The following MAP4K1 variants were observed in gnomAD, a reference collection of about 807,000 sequenced individuals.
MAP4K1 encodes the protein mitogen-activated protein kinase kinase kinase kinase 1, also known as MAPK/ERK kinase kinase kinase 1.
A neutral mutation model predicts 122.8 loss-of-function variants in MAP4K1; 35 were observed. The observed-to-expected ratio is 0.29, with a 90% confidence interval of 0.22 to 0.38. The LOEUF (loss-of-function observed/expected upper bound fraction) is 0.38. Among genes scored for constraint, MAP4K1 ranks in the 10% least tolerant of loss-of-function variants. MAP4K1 has a pLI of 1.00. For missense variants in MAP4K1, 791 were observed against 1,072.6 expected (o/e 0.74, Z 3.67); for synonymous variants, 412 against 421.3 (o/e 0.98, Z 0.27).
intron 20 of MAP4K1, among the ~76,000 whole-genome samples, 153 bp from the exon 21 acceptor site, chr19:38,600,306 C>T (rs1975021937): frequency 6.6e-6 from 1 of 152,168 alleles, no homozygotes; most frequent in Non-Finnish European, 1.5e-5. Flanking sequence ...TTTCCCCAAA[C>T]AAAGCCAGAG....
chr19:38,614,707 G>A (rs1975597119), intron 4 of MAP4K1: 2 of 513,970 alleles, frequency 3.9e-6, no homozygotes, highest in South Asian at 4.2e-5. Context: ...GATCACTTGA[G>A]GTCAGGAGTC....
chr19:38,613,340 A>C (rs1256088914), intron 8 of MAP4K1, among the ~76,000 whole-genome samples: 1 of 150,890 alleles, frequency 6.6e-6, no homozygotes, highest in Non-Finnish European at 1.5e-5. Context: ...AGAAAAAAAA[A>C]AAAAAACAAC....
Position 38,613,872 on chromosome 19 carries a change from C to T in MAP4K1, c.533+8G>A, listed in dbSNP as rs1402947738. On this transcript the variant is annotated splice_region_variant and intron_variant, in intron 8 of 30. Coordinates refer to ENST00000396857, the MANE Select transcript of MAP4K1 (RefSeq NM_001042600.3). ...TCCACCCCTAGCTGCCCGCTGGGCGCCACTCACCAGTAGGGTGTCCCAATG... is the reference window on the plus strand; with the variant it reads ...TCCACCCCTAGCTGCCCGCTGGGCGTCACTCACCAGTAGGGTGTCCCAATG... The T allele has an allele frequency of 1.6e-5, 26 of 1,600,282 alleles. No homozygotes were observed. Among genetic ancestry groups the T allele is most frequent in the Non-Finnish European group, 2.2e-5 (26 of 1,174,202 alleles).
At chr19:38,616,144 G>C (rs1786147942) in intron 4 of MAP4K1, 51 bp downstream of exon 4, 1 of 1,441,290 alleles carries the variant, frequency 6.9e-7, no homozygotes, top group Non-Finnish European at 9.6e-7. Flanking sequence ...GGTCGGGGTT[G>C]GGGGGTGGGG....
chr19:38,596,095 C>CTT lies in MAP4K1; in HGVS notation c.2117-95_2117-94insAA, dbSNP rs1386927638. On this transcript the variant is annotated intron_variant, in intron 26 of 30. Coordinates refer to ENST00000396857, the MANE Select transcript of MAP4K1 (RefSeq NM_001042600.3). ...GCCAGTACCTGTGCTTTAGCCACCG[C>CTT]CTCAGTTCACAAGCAAGTGGGCTAA... 8 of 1,399,840 alleles carry CTT rather than the reference C, an allele frequency of 5.7e-6. No individual in the cohort carries two copies. The East Asian group carries it at 1.8e-4, about 32-fold the overall frequency. 86.7% of individuals were successfully genotyped at this position (1,399,840 alleles called of 1,614,324 possible).
chr19:38,602,888 A>G (rs181576854), intron 19 of MAP4K1, among the ~76,000 whole-genome samples: 262 of 149,424 alleles, frequency 1.8e-3, no homozygotes, highest in Non-Finnish European at 2.7e-3. Flanking sequence ...ATACTTATAT[A>G]CACATGTACA....
In MAP4K1 at chr19:38,601,423, A is replaced by C; in HGVS notation, c.1531+18T>G. 6.3e-7 allele frequency: 1 copy of C among 1,594,642 alleles called. No homozygotes were observed. The highest frequency in any genetic ancestry group is 8.5e-7 in the Non-Finnish European group (1 of 1,169,662). On this transcript the variant is annotated intron_variant, in intron 20 of 30. Transcript: ENST00000396857. ...TCCCATTCCCTACAGGATCTCCTTG[A>C]CCCTCCAGAATGCCCACCCTTGGTG...
chr19:38,595,672 T>G lies in MAP4K1; in HGVS notation c.2237A>C (p.Glu746Ala), dbSNP rs759770171. The stretch of plus-strand genomic sequence containing the variant: ...CTCCACCGCTTCGGTCATGGGGATC[T>G]CAGGTGTGCGAAGTCCCCGGACTGG... ...GSPVRGLRTP[E>A]IPMTEAVEAV... The change falls in exon 28 of 31, where the codon GAG (glutamate) becomes GCG (alanine). Residue 746 changes from glutamate to alanine, a missense_variant. Glu to Ala is a moderately radical substitution (Grantham distance 107, BLOSUM62 -1). Transcript: ENST00000396857. 6.2e-7 allele frequency: 1 copy of G among 1,613,398 alleles called. No individual in the cohort carries two copies. Among genetic ancestry groups the G allele is most frequent in the Non-Finnish European group, 8.5e-7 (1 of 1,179,574 alleles).
At chr19:38,593,226 C>G in intron 30 of MAP4K1, 56 bp downstream of exon 30, 2 of 1,543,046 alleles carry the variant, frequency 1.3e-6, no homozygotes, top group South Asian at 1.2e-5. Context: ...TCAGAATGCT[C>G]TCTTCACATC....
At chr19:38,611,435 G>A (rs1002357506) in intron 9 of MAP4K1, 130 bp from the exon 10 acceptor site, 1 of 686,036 alleles carries the variant, frequency 1.5e-6, no homozygotes, top group Non-Finnish European at 2.6e-6. Flanking sequence ...TGAGGTTCAG[G>A]TTTTACAGTG....
intron 25 of MAP4K1, 105 bp from the exon 26 acceptor site, chr19:38,596,591 C>T (rs1974894106): frequency 1.0e-6 from 1 of 970,136 alleles, no homozygotes; most frequent in Non-Finnish European, 1.5e-6. Context: ...GGCCCTAAGT[C>T]TTGGGGGATG....
At chr19:38,598,485 C>A (rs1281704984) in intron 22 of MAP4K1, among the ~76,000 whole-genome samples, 1 of 152,030 alleles carries the variant, frequency 6.6e-6, no homozygotes, top group Non-Finnish European at 1.5e-5. Flanking sequence ...TGTGCCACCA[C>A]ACCCAGCTAA....
At chr19:38,590,314 T>G (rs376545037) in intron 30 of MAP4K1, among the ~76,000 whole-genome samples, 120,610 of 120,612 alleles carry the variant, frequency 1, 60,304 homozygotes, top group Middle Eastern at 1. Flanking sequence ...TTTAATTATT[T>G]TTTCCGGCTT....
rs1357762003 is a variant in MAP4K1 at position 38,612,750 on chromosome 19, C to A, written c.534-8G>T. On this transcript the variant is annotated splice_region_variant and splice_polypyrimidine_tract_variant and intron_variant, in intron 8 of 30. Transcript: ENST00000396857. ...GCCACTTCCGGAGCCATCCTGGGGG[C>A]AGACACGCTCAGAGAGCCAGAGGTG... 1.2e-6 allele frequency: 2 copies of A among 1,611,834 alleles called. No individual in the cohort carries two copies. Among genetic ancestry groups the A allele is most frequent in the South Asian group, 1.1e-5 (1 of 90,906 alleles).
chr19:38,611,425 T>C, intron 9 of MAP4K1, 120 bp from the exon 10 acceptor site: 1 of 720,866 alleles, frequency 1.4e-6, no homozygotes, highest in Non-Finnish European at 2.5e-6. Flanking sequence ...AGCATGGAAG[T>C]GAGGTTCAGG....
chr19:38,603,149 C>T (rs1195570602), intron 19 of MAP4K1, among the ~76,000 whole-genome samples: 1 of 144,266 alleles, frequency 6.9e-6, no homozygotes, highest in Non-Finnish European at 1.5e-5. Flanking sequence ...TATATACACA[C>T]ATATACATGT....
At chr19:38,592,774 G>A (rs980054561) in intron 30 of MAP4K1, among the ~76,000 whole-genome samples, 1 of 149,548 alleles carries the variant, frequency 6.7e-6, no homozygotes, top group Non-Finnish European at 1.5e-5. Flanking sequence ...AGTATTAGCC[G>A]GGTGTGGTGG....
At chr19:38,611,213 C>T in intron 10 of MAP4K1, 30 bp downstream of exon 10, 1 of 1,609,438 alleles carries the variant, frequency 6.2e-7, no homozygotes, top group Non-Finnish European at 8.5e-7. Flanking sequence ...CCTGCCCTCT[C>T]TCACCCTCCC....
At chr19:38,609,408 T>A (rs1019463341) in intron 13 of MAP4K1, among the ~76,000 whole-genome samples, 188 bp downstream of exon 13, 1 of 152,134 alleles carries the variant, frequency 6.6e-6, no homozygotes, top group African/African-American at 2.4e-5. Flanking sequence ...GTGCTGGGAT[T>A]ACAGGCATGA....
Sources: gnomAD v4.1 joint callset for allele counts (sites outside exome capture counted in the v4.1 genomes callset) on GRCh38, gnomAD v4.1.1 for gene constraint, MANE v1.5 for transcripts, NCBI Gene and HGNC (gene_info 2026-07-23, HGNC 2026-07-21) for gene names.